RABGAP1L: variants seen among roughly 807,000 people sequenced by gnomAD.
RABGAP1L encodes the protein RAB GTPase activating protein 1 like.
In RABGAP1L, 63 loss-of-function variants were observed where a neutral mutation model predicts 137.7. The ratio of observed to expected loss-of-function variants is 0.46; its 90% CI spans 0.37 to 0.56. The LOEUF (loss-of-function observed/expected upper bound fraction) is 0.56. RABGAP1L is among the 20% of genes least tolerant of loss of function. The probability of loss-of-function intolerance (pLI) is 0.00; values close to 1 mark genes in which losing one functional copy is unlikely to be tolerated. For synonymous variants in RABGAP1L, 431 were observed against 433.7 expected, an observed-to-expected ratio of 0.99 and a Z score of 0.08; for missense variants, 1,095 against 1,244.0, an observed-to-expected ratio of 0.88 and a Z score of 1.80.
intron 11 of RABGAP1L, among the ~76,000 whole-genome samples, chr1:174,314,766 G>A (rs564600940): frequency 4.1e-4 from 62 of 152,134 alleles, no homozygotes; most frequent in Admixed American, 2.2e-3. Context: ...GTTCAGGAGC[G>A]TATTGTTTAA....
At chr1:174,807,005 C>T (rs548659790) in intron 18 of RABGAP1L, among the ~76,000 whole-genome samples, 2 of 152,092 alleles carry the variant, frequency 1.3e-5, no homozygotes, top group African/African-American at 2.4e-5. Context: ...AGGCTGGTCT[C>T]GAACTCCTGA....
intron 24 of RABGAP1L, among the ~76,000 whole-genome samples, chr1:174,984,827 A>G (rs1235817117): frequency 3.9e-5 from 6 of 152,226 alleles, no homozygotes; most frequent in South Asian, 2.1e-4. Flanking sequence ...CATGAGAACT[A>G]TAGACCAAAA....
intron 19 of RABGAP1L, among the ~76,000 whole-genome samples, chr1:174,920,582 T>TA (rs1359884235): frequency 6.6e-6 from 1 of 152,206 alleles, no homozygotes; most frequent in East Asian, 1.9e-4. Flanking sequence ...CCCTAATTCA[T>TA]ATGTTGAATA....
rs1328663583 is a variant in RABGAP1L, at chr1:174,850,174, CA to C, written c.2340+38215del. 21 of 420,240 alleles carry C rather than the reference CA, an allele frequency of 5.0e-5. 1 individual carries two copies. The East Asian group carries it at 1.3e-3, about 26-fold the overall frequency. 26.0% of individuals were successfully genotyped at this position (420,240 alleles called of 1,614,324 possible). A position where few individuals can be genotyped will look rare whatever the true frequency, so the allele number is the denominator to read the frequency against. ...CGAGTCACTGCAGCCCCCATCTCCT[CA>C]TAACATGATGCCCTCAGGTTTACGC... On this transcript the variant is annotated intron_variant, in intron 19 of 25. Transcript: ENST00000681986.
intron 11 of RABGAP1L, among the ~76,000 whole-genome samples, chr1:174,337,545 GAC>G (rs1412463777): frequency 6.6e-6 from 1 of 152,138 alleles, no homozygotes; most frequent in Admixed American, 6.5e-5. Flanking sequence ...TTTGAGCTAG[GAC>G]ATAGCATGAG....
At chr1:174,662,628 A>G (rs965542814) in intron 14 of RABGAP1L, among the ~76,000 whole-genome samples, 4 of 152,054 alleles carry the variant, frequency 2.6e-5, no homozygotes, top group African/African-American at 7.2e-5. Context: ...TCCTGACCTC[A>G]AATGATCTGC....
In RABGAP1L at chr1:174,540,305, C is replaced by T. The variant is rs140582479; in HGVS notation, c.1711-97070C>T. Among the ~76,000 whole-genome samples, 6 of 152,154 alleles carry T rather than the reference C, an allele frequency of 3.9e-5. No homozygotes were observed. The East Asian group carries it at 9.6e-4, about 24-fold the overall frequency. ...AGAAGCTCTTTAGTTTAATTAAATC[C>T]CATTTATCTATTTTGGCTTTTGTTG... On this transcript the variant is annotated intron_variant, in intron 13 of 25. Coordinates refer to ENST00000681986, the MANE Select transcript of RABGAP1L (RefSeq NM_001366446.1).
intron 11 of RABGAP1L, among the ~76,000 whole-genome samples, chr1:174,314,873 T>C (rs967480512): frequency 2.6e-5 from 4 of 152,194 alleles, no homozygotes; most frequent in African/African-American, 9.6e-5. Context: ...TATTTCAGTT[T>C]TTTTGGAATG....
chr1:174,526,946 A>T (rs1484898562), intron 13 of RABGAP1L, among the ~76,000 whole-genome samples: 1 of 152,068 alleles, frequency 6.6e-6, no homozygotes, highest in Admixed American at 6.5e-5. Context: ...TTTACTTTTT[A>T]AATGTAGGCA....
chr1:174,783,707 CTTTTTT>C (rs34367315), intron 18 of RABGAP1L, among the ~76,000 whole-genome samples: 6 of 102,466 alleles, frequency 5.9e-5, no homozygotes, highest in South Asian at 3.3e-4. Context: ...TCTTCTTCTT[CTTTTTT>C]TTTTTTTTTT....
chr1:174,652,760 A>G (rs1261485314), intron 14 of RABGAP1L, among the ~76,000 whole-genome samples: 1 of 152,166 alleles, frequency 6.6e-6, no homozygotes, highest in African/African-American at 2.4e-5. Flanking sequence ...GTCCCCAGTC[A>G]GGAGGCACAG....
At chr1:174,232,715 C>T (rs1045587715) in intron 4 of RABGAP1L, among the ~76,000 whole-genome samples, 36 of 150,550 alleles carry the variant, frequency 2.4e-4, no homozygotes, top group Admixed American at 2.0e-3. Flanking sequence ...CCCAAGAGAT[C>T]GTGCCACTGC....
At chr1:174,735,006 A>G (rs1682817030) in intron 17 of RABGAP1L, among the ~76,000 whole-genome samples, 1 of 133,274 alleles carries the variant, frequency 7.5e-6, no homozygotes, top group African/African-American at 2.9e-5. Context: ...TTTGTTGCCC[A>G]GGCTGGAGTA....
chr1:174,771,937 C>T (rs887165865), intron 18 of RABGAP1L, among the ~76,000 whole-genome samples: 41 of 152,248 alleles, frequency 2.7e-4, no homozygotes, highest in Non-Finnish European at 5.9e-5. Flanking sequence ...CATTGGCCCA[C>T]GCCTATAATC....
intron 14 of RABGAP1L, among the ~76,000 whole-genome samples, chr1:174,673,881 A>G (rs974023392): frequency 4.6e-5 from 7 of 152,228 alleles, no homozygotes; most frequent in African/African-American, 1.7e-4. Context: ...GTACTTTGCT[A>G]CCTCATTATT....
At chr1:174,626,908 A>G (rs980036655) in intron 13 of RABGAP1L, among the ~76,000 whole-genome samples, 1 of 152,230 alleles carries the variant, frequency 6.6e-6, no homozygotes, top group Non-Finnish European at 1.5e-5. Context: ...TCCAACATAG[A>G]ACTAAAGGAG....
chr1:174,647,910 C>G (rs868526909), intron 14 of RABGAP1L, among the ~76,000 whole-genome samples: 2 of 151,968 alleles, frequency 1.3e-5, no homozygotes, highest in African/African-American at 4.8e-5. Context: ...TTCAGGGACT[C>G]GACTTCTTCC....
At chr1:174,212,862 A>G in intron 1 of RABGAP1L, among the ~76,000 whole-genome samples, 1 of 152,180 alleles carries the variant, frequency 6.6e-6, no homozygotes, top group Non-Finnish European at 1.5e-5. Flanking sequence ...GAGGCATTAC[A>G]GTTGATATTG....
At chr1:174,327,996 T>TATATATATATATATACATAC (rs1680669208) in intron 11 of RABGAP1L, among the ~76,000 whole-genome samples, 7 of 91,524 alleles carry the variant, frequency 7.6e-5, no homozygotes, top group African/African-American at 3.8e-4. Flanking sequence ...CATATATATA[T>TATATATATATATATACATAC]ATATATATAT....
Sources: gnomAD v4.1 joint callset for allele counts (sites outside exome capture counted in the v4.1 genomes callset) on GRCh38, gnomAD v4.1.1 for gene constraint, MANE v1.5 for transcripts, NCBI Gene and HGNC (gene_info 2026-07-23, HGNC 2026-07-21) for gene names.